The following PRKD1 variants were observed in gnomAD, a reference collection of about 807,000 sequenced individuals.
The protein encoded by PRKD1 is serine/threonine-protein kinase D1.
In PRKD1, 63 loss-of-function variants were observed where a neutral mutation model predicts 95.9. That is an observed-to-expected ratio of 0.66 (90% CI 0.54 to 0.81). The LOEUF is 0.81. Ranked by LOEUF, PRKD1 falls within the 30% of genes least tolerant of loss-of-function variation. The pLI is 0.00. For synonymous variants in PRKD1, 425 were observed against 423.1 expected, an observed-to-expected ratio of 1.00 and a Z score of -0.05; for missense variants, 1,048 against 1,165.3, an observed-to-expected ratio of 0.90 and a Z score of 1.47.
intron 13 of PRKD1, among the ~76,000 whole-genome samples, chr14:29,622,037 G>T (rs1879298718): frequency 6.6e-6 from 1 of 152,116 alleles, no homozygotes; most frequent in Non-Finnish European, 1.5e-5. Flanking sequence ...AACCTTTTTG[G>T]CAACAGGGAC....
intron 13 of PRKD1, among the ~76,000 whole-genome samples, chr14:29,600,807 A>C (rs542099414): frequency 6.6e-6 from 1 of 152,334 alleles, no homozygotes; most frequent in East Asian, 1.9e-4. Flanking sequence ...GCTTAGCATT[A>C]GACGATCTCT....
At chr14:29,619,033 A>C (rs1214153990) in intron 13 of PRKD1, among the ~76,000 whole-genome samples, 1 of 152,226 alleles carries the variant, frequency 6.6e-6, no homozygotes, top group African/African-American at 2.4e-5. Context: ...AGCTTCTATA[A>C]GCTAGAGGAC....
intron 1 of PRKD1, among the ~76,000 whole-genome samples, chr14:29,860,172 T>C (rs868279356): frequency 1.6e-4 from 24 of 152,346 alleles, no homozygotes; most frequent in Middle Eastern, 3.4e-3. Flanking sequence ...CAAGTTCACT[T>C]CTTTCTGCTG....
At chr14:29,891,325 C>T (rs1594607119) in intron 1 of PRKD1, among the ~76,000 whole-genome samples, 2 of 152,206 alleles carry the variant, frequency 1.3e-5, no homozygotes, top group East Asian at 1.9e-4. Context: ...TCAGAACCAC[C>T]ATGAATGGTG....
chr14:29,846,431 G>C (rs1892080696), intron 1 of PRKD1, among the ~76,000 whole-genome samples: 1 of 152,206 alleles, frequency 6.6e-6, no homozygotes, highest in East Asian at 1.9e-4. Flanking sequence ...ATATCCAGGA[G>C]AAGGCCACTC....
chr14:29,905,483 A>C (rs920376489), intron 1 of PRKD1, among the ~76,000 whole-genome samples: 1 of 143,040 alleles, frequency 7.0e-6, no homozygotes, highest in Non-Finnish European at 1.5e-5. Flanking sequence ...TGCCAGCAGG[A>C]AAAAAAAAAA....
At chr14:29,889,593 C>T (rs141722615) in intron 1 of PRKD1, among the ~76,000 whole-genome samples, 3 of 152,138 alleles carry the variant, frequency 2.0e-5, no homozygotes, top group African/African-American at 7.2e-5. Context: ...TTTGCAGGCA[C>T]ATGGATGAAG....
chr14:29,872,876 C>A (rs1037277545), intron 1 of PRKD1, among the ~76,000 whole-genome samples: 1 of 152,052 alleles, frequency 6.6e-6, no homozygotes, highest in African/African-American at 2.4e-5. Flanking sequence ...GTCAGTTTCC[C>A]TTTGACACTT....
intron 1 of PRKD1, among the ~76,000 whole-genome samples, chr14:29,730,931 T>C (rs570410095): frequency 6.6e-6 from 1 of 152,232 alleles, no homozygotes; most frequent in South Asian, 2.1e-4. Flanking sequence ...ATATCTATTG[T>C]ATAATGAGGT....
At chr14:29,766,386 G>A (rs113961857) in intron 1 of PRKD1, among the ~76,000 whole-genome samples, 2 of 152,212 alleles carry the variant, frequency 1.3e-5, no homozygotes, top group African/African-American at 4.8e-5. Context: ...CAAGGAACAG[G>A]GAAATAGGAT....
intron 1 of PRKD1, among the ~76,000 whole-genome samples, chr14:29,774,744 G>C (rs535183437): frequency 9.6e-6 from 1 of 104,308 alleles, no homozygotes; most frequent in Admixed American, 8.3e-5. Context: ...TTGGGGAAAT[G>C]AAGTACCTTA....
At chr14:29,691,948 G>C (rs1884262156) in intron 2 of PRKD1, among the ~76,000 whole-genome samples, 1 of 152,156 alleles carries the variant, frequency 6.6e-6, no homozygotes, top group Non-Finnish European at 1.5e-5. Context: ...CTTTAGTGAA[G>C]AGGTAGCCTT....
At chr14:29,683,144 T>G (rs543853634) in intron 2 of PRKD1, among the ~76,000 whole-genome samples, 1 of 152,144 alleles carries the variant, frequency 6.6e-6, no homozygotes, top group Non-Finnish European at 1.5e-5. Context: ...GCAGAGAAGA[T>G]GGACTACAGA....
intron 13 of PRKD1, among the ~76,000 whole-genome samples, chr14:29,602,531 G>A (rs1014116892): frequency 6.6e-6 from 1 of 151,042 alleles, no homozygotes; most frequent in African/African-American, 2.4e-5. Flanking sequence ...CCAGGTCCAA[G>A]CGATTCTCCT....
chr14:29,805,644 T>A (rs903562497), intron 1 of PRKD1, among the ~76,000 whole-genome samples: 1 of 152,192 alleles, frequency 6.6e-6, no homozygotes, highest in African/African-American at 2.4e-5. Flanking sequence ...AACTAGAGTA[T>A]TGCATTTTTC....
intron 1 of PRKD1, among the ~76,000 whole-genome samples, chr14:29,804,325 G>A (rs1366524421): frequency 6.6e-6 from 1 of 151,632 alleles, no homozygotes; most frequent in Non-Finnish European, 1.5e-5. Flanking sequence ...TGTTCAAAAA[G>A]CAATGTTCTC....
intron 1 of PRKD1, among the ~76,000 whole-genome samples, chr14:29,801,085 TTG>T (rs924129623): frequency 3.3e-5 from 5 of 151,038 alleles, no homozygotes; most frequent in African/African-American, 1.2e-4. Flanking sequence ...GTGTGTGTGT[TTG>T]TGTGTGTGTG....
intron 13 of PRKD1, among the ~76,000 whole-genome samples, chr14:29,620,805 AC>A (rs1286344722): frequency 6.6e-6 from 1 of 152,070 alleles, no homozygotes; most frequent in African/African-American, 2.4e-5. Context: ...ATACCATTTG[AC>A]CCAGCCATCC....
At position 29,738,570 on chromosome 14, in the gene PRKD1, C is replaced by T. The variant is rs190080917; in HGVS notation, c.265-12896G>A. ...ATTTTCATAAAGTATTACTTAAAAT[C>T]TTTTACCTTTTTTTATTTTTTAACC... On this transcript the variant is annotated intron_variant, in intron 1 of 17. Coordinates refer to ENST00000331968, the MANE Select transcript of PRKD1 (RefSeq NM_002742.3). 4.7e-3 allele frequency among the ~76,000 whole-genome samples: 717 copies of T among 152,222 alleles called. 2 individuals carry two copies. The highest frequency in any genetic ancestry group is 8.1e-3 in the Non-Finnish European group (550 of 68,018).
Sources: allele counts gnomAD v4.1 joint callset (sites outside exome capture counted in the v4.1 genomes callset), GRCh38; gene constraint gnomAD v4.1.1; transcripts MANE v1.5; gene names NCBI Gene and HGNC (gene_info 2026-07-23, HGNC 2026-07-21).